HECTD2: variants seen among roughly 807,000 people sequenced by gnomAD.
The protein encoded by HECTD2 is probable E3 ubiquitin-protein ligase HECTD2.
A neutral mutation model predicts 103.2 loss-of-function variants in HECTD2; 35 were observed. The ratio of observed to expected loss-of-function variants is 0.34; its 90% CI spans 0.26 to 0.45. The LOEUF (loss-of-function observed/expected upper bound fraction) is 0.45. Ranked by LOEUF, HECTD2 falls within the 20% of genes least tolerant of loss-of-function variation. HECTD2 has a pLI of 1.00. For synonymous variants in HECTD2, 281 were observed against 329.9 expected (o/e 0.85, Z 1.61); for missense variants, 596 against 937.4 (o/e 0.64, Z 4.76).
intron 12 of HECTD2, 112 bp downstream of exon 12, chr10:91,491,419 T>G (rs1846474004): frequency 1.8e-6 from 1 of 541,778 alleles, no homozygotes; most frequent in South Asian, 2.5e-5. Flanking sequence ...TGTGCTTCCT[T>G]AAATTCTTTT....
At chr10:91,433,640 A>C (rs1843992037) in intron 2 of HECTD2, among the ~76,000 whole-genome samples, 1 of 152,020 alleles carries the variant, frequency 6.6e-6, no homozygotes, top group Non-Finnish European at 1.5e-5. Flanking sequence ...AGACAATGCC[A>C]CAATGAATGA....
At chr10:91,482,921 C>T (rs758246799) in intron 7 of HECTD2, 46 bp from the exon 8 acceptor site, 7 of 841,786 alleles carry the variant, frequency 8.3e-6, no homozygotes, top group African/African-American at 3.5e-5. Context: ...TTTCCTTTTA[C>T]GTGTTAACAG....
chr10:91,501,959 C>T (rs527972488), intron 20 of HECTD2, among the ~76,000 whole-genome samples: 32 of 152,102 alleles, frequency 2.1e-4, no homozygotes, highest in Non-Finnish European at 3.7e-4. Flanking sequence ...TTGTCTCCTG[C>T]CCCATACATT....
In HECTD2 at chr10:91,483,032, CT is replaced by C; in HGVS notation, c.779del (p.Leu260Ter). On this transcript the variant is annotated frameshift_variant, in exon 8 of 21. Transcript: ENST00000298068. LOFTEE classifies it high-confidence loss of function. Reference sequence around the variant, plus strand: ...CTCACTTGCTACGACAGATAGCTACCTTAGTGGAAGCTGACCATCATTTCCT... The same window carrying C: ...CTCACTTGCTACGACAGATAGCTACCTAGTGGAAGCTGACCATCATTTCCT... The part of the protein sequence containing the change: ...YAHLLRQIAT[L>X]VEADHHFLVH... The C allele has an allele frequency of 6.3e-7, 1 of 1,589,058 alleles. No homozygotes were observed. Among genetic ancestry groups the C allele is most frequent in the Non-Finnish European group, 8.6e-7 (1 of 1,160,454 alleles).
chr10:91,500,704 T>G, intron 19 of HECTD2, 87 bp downstream of exon 19: 1 of 660,928 alleles, frequency 1.5e-6, no homozygotes. Flanking sequence ...CTTACAATCT[T>G]TGAATCAATT....
At chr10:91,436,134 C>T (rs1379294256) in intron 2 of HECTD2, among the ~76,000 whole-genome samples, 1 of 151,574 alleles carries the variant, frequency 6.6e-6, no homozygotes, top group Non-Finnish European at 1.5e-5. Context: ...CTGATTCTTC[C>T]ACGTTGCTTT....
chr10:91,484,169 A>G, intron 8 of HECTD2: 4 of 562,318 alleles, frequency 7.1e-6, no homozygotes, highest in South Asian at 2.3e-5. Flanking sequence ...CCAAATGACC[A>G]TGAAAACACA....
At position 91,512,579 on chromosome 10, in the gene HECTD2, T is replaced by C; in HGVS notation, c.*195T>C. The C allele has an allele frequency of 1.9e-6, 1 of 532,562 alleles. No individual in the cohort carries two copies. Among genetic ancestry groups the C allele is most frequent in the Non-Finnish European group, 3.3e-6 (1 of 305,454 alleles). 33.0% of individuals were successfully genotyped at this position (532,562 alleles called of 1,614,324 possible). A position where few individuals can be genotyped will look rare whatever the true frequency, so the allele number is the denominator to read the frequency against. ...TTCTAAAAACACACACAGAAATCGC[T>C]TGAGTGAGGAAAAGTCCACATGGCA... is the stretch of plus-strand genomic sequence containing the variant. On this transcript the variant is annotated 3_prime_UTR_variant, in exon 21 of 21. Transcript: ENST00000298068.
intron 5 of HECTD2, among the ~76,000 whole-genome samples, chr10:91,470,711 C>G (rs937635916): frequency 1.3e-5 from 2 of 151,860 alleles, no homozygotes; most frequent in Non-Finnish European, 2.9e-5. Flanking sequence ...TGAAAGAGTT[C>G]CATCCCAAGA....
chr10:91,506,200 C>T (rs1589554621), intron 20 of HECTD2, among the ~76,000 whole-genome samples: 1 of 149,742 alleles, frequency 6.7e-6, no homozygotes, highest in East Asian at 2.0e-4. Context: ...ACCCTAACAT[C>T]ACAATTAAAA....
chr10:91,433,594 A>G (rs2133078026), intron 2 of HECTD2, among the ~76,000 whole-genome samples: 1 of 152,104 alleles, frequency 6.6e-6, no homozygotes, highest in South Asian at 2.1e-4. Flanking sequence ...GATTCCTATT[A>G]AAATAAATGA....
chr10:91,481,311 TA>T lies in HECTD2; in HGVS notation c.711+176del, dbSNP rs372324822. On this transcript the variant is annotated intron_variant, in intron 7 of 20. Transcript: ENST00000298068. The stretch of plus-strand genomic sequence containing the variant: ...TTTTTTAAAGTAGGATTAATAAGAT[TA>T]AAAGATAAGTAAGATTTTAAAAAGT... Among the ~76,000 whole-genome samples, 59 of 151,872 alleles carry T rather than the reference TA, an allele frequency of 3.9e-4. 2 individuals carry two copies. In the East Asian group the frequency reaches 7.1e-3, roughly 18 times the overall value.
Position 91,498,093 on chromosome 10 carries a change from G to C in HECTD2, c.1681-15G>C. 1 of 1,581,964 alleles carries C rather than the reference G, an allele frequency of 6.3e-7. No homozygotes were observed. The highest frequency in any genetic ancestry group is 8.7e-7 in the Non-Finnish European group (1 of 1,151,230). The stretch of plus-strand genomic sequence containing the variant: ...TATTCTATTGAAAAAATCATTAACA[G>C]ATTTCTTTTTATAGGAGTTGGCCCA... On this transcript the variant is annotated splice_polypyrimidine_tract_variant and intron_variant, in intron 15 of 20. Coordinates refer to ENST00000298068, the MANE Select transcript of HECTD2 (RefSeq NM_182765.6).
intron 2 of HECTD2, among the ~76,000 whole-genome samples, chr10:91,433,522 T>C (rs1843986517): frequency 6.6e-6 from 1 of 152,050 alleles, no homozygotes; most frequent in South Asian, 2.1e-4. Flanking sequence ...TTTTTACAAA[T>C]ATATTCCATT....
intron 2 of HECTD2, among the ~76,000 whole-genome samples, chr10:91,437,640 G>GTTTTTTTTTTTTTTTTTTTTTTTTTTTTT (rs1844182259): frequency 7.8e-6 from 1 of 128,742 alleles, no homozygotes. Flanking sequence ...TTTTTTTTTG[G>GTTTTTTTTTTTTTTTTTTTTTTTTTTTTT]TTGTTTTGTT....
At chr10:91,509,546 A>G (rs560194660) in intron 20 of HECTD2, among the ~76,000 whole-genome samples, 2 of 152,224 alleles carry the variant, frequency 1.3e-5, no homozygotes, top group African/African-American at 4.8e-5. Flanking sequence ...CACAATAGCA[A>G]AGACTGGATA....
At chr10:91,435,675 T>C (rs972665989) in intron 2 of HECTD2, among the ~76,000 whole-genome samples, 6 of 152,012 alleles carry the variant, frequency 3.9e-5, no homozygotes, top group African/African-American at 1.4e-4. Context: ...AGCCATCTCT[T>C]ATCTTGGAAG....
At position 91,487,449 on chromosome 10, in the gene HECTD2, C is replaced by T; in HGVS notation, c.1095-233C>T. Reference sequence around the variant, plus strand: ...GTAAGTGGTTAGCACACATTCAGAACCTTTGATGTAGCTTCTGCAGAGAAT... The same window carrying T: ...GTAAGTGGTTAGCACACATTCAGAATCTTTGATGTAGCTTCTGCAGAGAAT... On this transcript the variant is annotated intron_variant, in intron 10 of 20. Transcript: ENST00000298068. The surrounding 1 kb of genome is among the most constrained non-coding windows in gnomAD (Gnocchi z 4.1). The T allele has an allele frequency of 3.9e-6, 2 of 508,950 alleles. No homozygotes were observed. The highest frequency in any genetic ancestry group is 3.6e-6 in the Non-Finnish European group (1 of 278,280). The allele number at this position is 508,950 out of a possible 1,614,324, so 31.5% of individuals were successfully genotyped here. A position where few individuals can be genotyped will look rare whatever the true frequency, so the allele number is the denominator to read the frequency against.
At chr10:91,509,497 A>G (rs960841005) in intron 20 of HECTD2, among the ~76,000 whole-genome samples, 1 of 152,186 alleles carries the variant, frequency 6.6e-6, no homozygotes, top group Non-Finnish European at 1.5e-5. Flanking sequence ...TCATAAAGAC[A>G]CATGCATGCA....
Sources: gnomAD v4.1 joint callset for allele counts (sites outside exome capture counted in the v4.1 genomes callset) on GRCh38, gnomAD v4.1.1 for gene constraint, Gnocchi (gnomAD v3.1) non-coding constraint, MANE v1.5 for transcripts, NCBI Gene and HGNC (gene_info 2026-07-23, HGNC 2026-07-21) for gene names.